STAT5B: variants seen among roughly 807,000 people sequenced by gnomAD.
STAT5B encodes the protein transcription factor STAT5B.
In STAT5B, 21 loss-of-function variants were observed where a neutral mutation model predicts 107.8. The ratio of observed to expected loss-of-function variants is 0.19; its 90% CI spans 0.14 to 0.28. The LOEUF (loss-of-function observed/expected upper bound fraction) is 0.28. Ranked by LOEUF, STAT5B falls within the 10% of genes least tolerant of loss-of-function variation. The pLI, the probability that STAT5B is intolerant of heterozygous loss-of-function variation, is 1.00. For synonymous variants in STAT5B, 325 were observed against 401.7 expected, an observed-to-expected ratio of 0.81 and a Z score of 2.28; for missense variants, 565 against 1,008.2, an observed-to-expected ratio of 0.56 and a Z score of 5.95.
intron 5 of STAT5B, among the ~76,000 whole-genome samples, chr17:42,220,573 T>C (rs2080216801): frequency 1.3e-5 from 2 of 152,016 alleles, no homozygotes; most frequent in South Asian, 4.2e-4. Context: ...AGCATGTTTG[T>C]CCAGGTGAGC....
chr17:42,222,124 GGTGTGTGTGCTGTGT>G (rs1031888332), intron 5 of STAT5B, among the ~76,000 whole-genome samples: 17 of 141,892 alleles, frequency 1.2e-4, no homozygotes, highest in African/African-American at 2.6e-4. Flanking sequence ...TGCTGTGGGG[GGTGTGTGTGCTGTGT>G]GTGTGTGTGC....
chr17:42,275,769 C>T (rs920353712), intron 1 of STAT5B, among the ~76,000 whole-genome samples: 1 of 151,288 alleles, frequency 6.6e-6, no homozygotes, highest in Admixed American at 6.6e-5. Flanking sequence ...TTTGCTAATA[C>T]CCCCCACCGC....
intron 1 of STAT5B, among the ~76,000 whole-genome samples, chr17:42,262,313 G>A (rs1159853364): frequency 6.6e-6 from 1 of 152,068 alleles, no homozygotes; most frequent in African/African-American, 2.4e-5. Context: ...GCATACACCA[G>A]CACCCCGTGC....
At chr17:42,247,240 T>C (rs2144346804) in intron 1 of STAT5B, among the ~76,000 whole-genome samples, 1 of 152,290 alleles carries the variant, frequency 6.6e-6, no homozygotes, top group South Asian at 2.1e-4. Context: ...ACAGCAAATC[T>C]AGGGAAGAGA....
Position 42,218,422 on chromosome 17 carries a change from C to G in STAT5B, c.990-92G>C, listed in dbSNP as rs1298262929. 97 of 1,547,266 alleles carry G rather than the reference C, an allele frequency of 6.3e-5. 1 individual carries two copies. Among genetic ancestry groups the G allele is most frequent in the Non-Finnish European group, 7.8e-5 (89 of 1,143,710 alleles). On this transcript the variant is annotated intron_variant, in intron 8 of 18. Coordinates refer to ENST00000293328, the MANE Select transcript of STAT5B (RefSeq NM_012448.4). ...CTGTGGTGGGGGTGGGGCTGCCTCC[C>G]GAGGGGCTCAGGAGGTGAAGAGCTC...
chr17:42,244,256 T>A (rs2080432020), intron 1 of STAT5B, among the ~76,000 whole-genome samples: 1 of 141,558 alleles, frequency 7.1e-6, no homozygotes, highest in South Asian at 2.2e-4. Context: ...CCCGGCTAAT[T>A]TTTTTTTTTT....
At chr17:42,251,969 A>G (rs1429325029) in intron 1 of STAT5B, among the ~76,000 whole-genome samples, 2 of 151,128 alleles carry the variant, frequency 1.3e-5, no homozygotes, top group East Asian at 1.9e-4. Context: ...ACTGCATTCC[A>G]GCCTGGGTGA....
chr17:42,238,702 C>T (rs2080377455), intron 1 of STAT5B, among the ~76,000 whole-genome samples: 3 of 151,198 alleles, frequency 2.0e-5, no homozygotes, highest in East Asian at 3.9e-4. Context: ...CCACCCACCT[C>T]GGCCTCCCAA....
At chr17:42,210,026 T>C in intron 15 of STAT5B, 145 bp downstream of exon 15, 1 of 1,279,074 alleles carries the variant, frequency 7.8e-7, no homozygotes, top group Admixed American at 2.2e-5. Flanking sequence ...GGCTGCCTTA[T>C]TATGAGTATG....
In STAT5B at chr17:42,217,398, A is replaced by G; in HGVS notation, c.1236T>C (p.Leu412=). 1 of 1,614,196 alleles carries G rather than the reference A, an allele frequency of 6.2e-7. No homozygotes were observed. Among genetic ancestry groups the G allele is most frequent in the East Asian group, 2.2e-5 (1 of 44,878 alleles). ...VMEYHQATGT[L]SAHFRNMSLK... is the part of the protein sequence containing the mutation. ...TCACCATATTCCTGAAGTGGGCACTAAGGGTGCCTGTGGCTTGGTGGTACT... is the reference window on the plus strand; with the variant it reads ...TCACCATATTCCTGAAGTGGGCACTGAGGGTGCCTGTGGCTTGGTGGTACT... The change falls in exon 10 of 19, where the codon CTT becomes CTC. Residue 412 remains leucine, a synonymous_variant. Coordinates refer to ENST00000293328, the MANE Select transcript of STAT5B (RefSeq NM_012448.4).
chr17:42,218,037 C>T (rs984806447), intron 9 of STAT5B, 114 bp downstream of exon 9: 2 of 1,525,374 alleles, frequency 1.3e-6, no homozygotes, highest in African/African-American at 2.8e-5. Context: ...TTGCTGATGC[C>T]CAGAAGAGGC....
chr17:42,256,861 CAAAAAAAAA>C (rs781345676), intron 1 of STAT5B, among the ~76,000 whole-genome samples: 2 of 44,820 alleles, frequency 4.5e-5, no homozygotes, highest in African/African-American at 9.4e-5. Context: ...GACTCTGTCT[CAAAAAAAAA>C]AAAAAAAAAA....
chr17:42,217,030 A>G, intron 11 of STAT5B, 130 bp downstream of exon 11: 1 of 1,482,736 alleles, frequency 6.7e-7, no homozygotes, highest in South Asian at 1.2e-5. Flanking sequence ...GGGTGAGGTC[A>G]GTCCATTTTC....
chr17:42,254,030 A>G (rs1213909994), intron 1 of STAT5B, among the ~76,000 whole-genome samples: 2 of 152,126 alleles, frequency 1.3e-5, no homozygotes, highest in African/African-American at 4.8e-5. Flanking sequence ...GTCAAGCAGA[A>G]GTGATCTGCC....
intron 1 of STAT5B, among the ~76,000 whole-genome samples, chr17:42,237,124 C>T (rs978456171): frequency 6.6e-6 from 1 of 152,206 alleles, no homozygotes; most frequent in Non-Finnish European, 1.5e-5. Context: ...CAACCTAAGA[C>T]AGCCCTGGAT....
At position 42,219,816 on chromosome 17, in the gene STAT5B, T is replaced by A; in HGVS notation, c.577A>T (p.Ser193Cys). ...QAQFGPLAQL[S>C]PQERLSRETA... ...TCCCGGCTCAGACGCTCCTGGGGGC[T>A]CAGCTGGGCCAGCGGGCCAAACTGA... Residue 193 changes from serine to cysteine, a missense_variant, in exon 6 of 19, where the codon AGC becomes TGC. Around this residue, in one of 11 missense-constraint regions of STAT5B, gnomAD observed 56 missense variants for 104.5 expected, o/e 0.54. Coordinates refer to ENST00000293328, the MANE Select transcript of STAT5B (RefSeq NM_012448.4). 1 of 1,613,716 alleles carries A rather than the reference T, an allele frequency of 6.2e-7. No homozygotes were observed. The highest frequency in any genetic ancestry group is 8.5e-7 in the Non-Finnish European group (1 of 1,179,944).
rs2080069142 is a variant in STAT5B at position 42,204,290 on chromosome 17, G to C, written c.2078-1482C>G. 2.0e-5 allele frequency among the ~76,000 whole-genome samples: 3 copies of C among 152,188 alleles called. No individual in the cohort carries two copies. In the South Asian group the frequency reaches 6.2e-4, roughly 31 times the overall value. On this transcript the variant is annotated intron_variant, in intron 16 of 18. Transcript: ENST00000293328. ...TCAGAAGGCTGACTATGGAAATCCA[G>C]GTAAGCAGGTGGTAAGAATGTGATT...
At chr17:42,274,439 G>A (rs915926809) in intron 1 of STAT5B, among the ~76,000 whole-genome samples, 2 of 152,158 alleles carry the variant, frequency 1.3e-5, no homozygotes, top group Middle Eastern at 6.8e-3. Flanking sequence ...TGAATTAAAC[G>A]TAACAGATAC....
At chr17:42,277,530 C>A (rs931246774), upstream of STAT5B, among the ~76,000 whole-genome samples, 3 of 152,138 alleles carry the variant, frequency 2.0e-5, no homozygotes, top group African/African-American at 7.2e-5. Flanking sequence ...TCTCCGCTAC[C>A]CAGGCCACTG....
Sources: allele counts gnomAD v4.1 joint callset (sites outside exome capture counted in the v4.1 genomes callset), GRCh38; gene constraint gnomAD v4.1.1; regional missense constraint gnomAD v4.1.1; transcripts MANE v1.5; gene names NCBI Gene and HGNC (gene_info 2026-07-23, HGNC 2026-07-21).